The following NFX1 variants were observed in gnomAD, a reference collection of about 807,000 sequenced individuals.
The protein encoded by NFX1 is nuclear transcription factor, X-box binding 1, also known as transcriptional repressor NF-X1.
In NFX1, 69 loss-of-function variants were observed where a neutral mutation model predicts 137.2. The ratio of observed to expected loss-of-function variants is 0.50; its 90% CI spans 0.41 to 0.61. NFX1 has a LOEUF of 0.61. Among genes scored for constraint, NFX1 ranks in the 20% least tolerant of loss-of-function variants. NFX1 has a pLI of 0.00. For missense variants in NFX1, 1,167 were observed against 1,391.0 expected (o/e 0.84, Z 2.56); for synonymous variants, 495 against 474.1 (o/e 1.04, Z -0.57).
intron 9 of NFX1, among the ~76,000 whole-genome samples, chr9:33,319,960 C>CT (rs1324486880): frequency 3.3e-4 from 49 of 149,262 alleles, no homozygotes; most frequent in African/African-American, 7.4e-4. Flanking sequence ...CTTTTCTTTT[C>CT]TTTTCTTTTT....
At chr9:33,341,408 C>T (rs1823215566) in intron 12 of NFX1, among the ~76,000 whole-genome samples, 1 of 152,140 alleles carries the variant, frequency 6.6e-6, no homozygotes, top group African/African-American at 2.4e-5. Context: ...CTTCCTACAA[C>T]ATGTGGGAAT....
intron 11 of NFX1, among the ~76,000 whole-genome samples, chr9:33,333,088 C>T (rs547226152): frequency 6.6e-5 from 10 of 152,324 alleles, no homozygotes; most frequent in African/African-American, 2.4e-4. Context: ...TCAAGTGATC[C>T]ACCCGCCTCG....
Position 33,294,858 on chromosome 9 carries a change from AGAAG to A in NFX1, c.469_472del (p.Glu157LeufsTer167). ...AGAGAGCATAGTCCTTCTGAGAGTG[AGAAG>A]GAAGTTGTGGGTGCAGATCCCAGGG... On this transcript the variant is annotated frameshift_variant, in exon 2 of 24. Coordinates refer to ENST00000379540, the MANE Select transcript of NFX1 (RefSeq NM_002504.6). LOFTEE classifies it high-confidence loss of function. The A allele has an allele frequency of 6.2e-7, 1 of 1,614,188 alleles. No homozygotes were observed. The highest frequency in any genetic ancestry group is 8.5e-7 in the Non-Finnish European group (1 of 1,180,036).
At chr9:33,336,300 C>G (rs1823000204) in intron 11 of NFX1, among the ~76,000 whole-genome samples, 1 of 152,112 alleles carries the variant, frequency 6.6e-6, no homozygotes, top group Non-Finnish European at 1.5e-5. Flanking sequence ...ACTGCAAACT[C>G]CACCTCCCAG....
rs10123935 is a variant in NFX1, at chr9:33,345,425, C to T, written c.2344+1237C>T. ...CCGGGAGGCAGAGGTTGCAGTGAGC[C>T]GAGACTGTGCCATTGCACTCCAGCC... On this transcript the variant is annotated intron_variant, in intron 14 of 23. Coordinates refer to ENST00000379540, the MANE Select transcript of NFX1 (RefSeq NM_002504.6). Among the ~76,000 whole-genome samples, 1,261 of 151,770 alleles carry T rather than the reference C, an allele frequency of 8.3e-3. 17 individuals are homozygous for T. The highest frequency in any genetic ancestry group is 0.029 in the African/African-American group (1,199 of 41,374).
intron 11 of NFX1, among the ~76,000 whole-genome samples, chr9:33,336,425 A>G (rs1823006115): frequency 6.6e-6 from 1 of 152,086 alleles, no homozygotes; most frequent in Non-Finnish European, 1.5e-5. Flanking sequence ...CATGTTGGTC[A>G]GGCTGGTCTC....
At chr9:33,293,339 C>CTATAT (rs2118148262) in intron 1 of NFX1, among the ~76,000 whole-genome samples, 1 of 152,354 alleles carries the variant, frequency 6.6e-6, no homozygotes, top group Non-Finnish European at 1.5e-5. Context: ...CTGAAACCCT[C>CTATAT]AGGCTCTATA....
At chr9:33,358,647 A>AGTTTTTT (rs1823892262) in intron 19 of NFX1, among the ~76,000 whole-genome samples, 1 of 48,430 alleles carries the variant, frequency 2.1e-5, no homozygotes, top group Non-Finnish European at 3.5e-5. Flanking sequence ...GAATGGCTTG[A>AGTTTTTT]TTTTTTTTTT....
intron 19 of NFX1, among the ~76,000 whole-genome samples, chr9:33,361,796 AAT>A (rs777455055): frequency 2.0e-5 from 3 of 150,500 alleles, no homozygotes; most frequent in East Asian, 1.9e-4. Context: ...CATCTCCAAA[AAT>A]ATATATATAT....
chr9:33,339,060 CTAAT>C (rs1323962698), intron 12 of NFX1, among the ~76,000 whole-genome samples: 4 of 151,982 alleles, frequency 2.6e-5, no homozygotes, highest in African/African-American at 7.2e-5. Flanking sequence ...TTTTATGGAA[CTAAT>C]TAAATCACTA....
chr9:33,342,859 G>T lies in NFX1; in HGVS notation c.2224+5G>T. 1 of 1,592,884 alleles carries T rather than the reference G, an allele frequency of 6.3e-7. No individual in the cohort carries two copies. On this transcript the variant is annotated splice_donor_5th_base_variant and intron_variant, in intron 13 of 23. Transcript: ENST00000379540. ...GCCAGACATGCTGGCAAGCCAGTGA[G>T]TGTCTTTACTGTATAGTTTATTAGA...
At chr9:33,316,770 C>T (rs372100668) in intron 7 of NFX1, among the ~76,000 whole-genome samples, 13 of 152,284 alleles carry the variant, frequency 8.5e-5, no homozygotes, top group African/African-American at 2.2e-4. Context: ...ATTTAACCAG[C>T]TGTGACTCTA....
At chr9:33,326,036 G>T (rs566983730) in intron 9 of NFX1, among the ~76,000 whole-genome samples, 106 of 152,298 alleles carry the variant, frequency 7.0e-4, no homozygotes, top group African/African-American at 2.4e-3. Context: ...TGGGATCAAA[G>T]TTGTGTTAGA....
At chr9:33,367,451 G>C in intron 22 of NFX1, 64 bp from the exon 23 acceptor site, 1 of 1,547,568 alleles carries the variant, frequency 6.5e-7, no homozygotes, top group Admixed American at 1.7e-5. Context: ...TGAGTTTCTA[G>C]CTTTCTGTCC....
chr9:33,369,770 A>C, intron 23 of NFX1, 136 bp from the exon 24 acceptor site: 2 of 728,220 alleles, frequency 2.7e-6, no homozygotes, highest in Non-Finnish European at 4.5e-6. Flanking sequence ...GAAGGAAAAA[A>C]AGTAAGACTA....
rs1017132486 is a variant in NFX1, at chr9:33,317,956, A to G, written c.1589-775A>G. On this transcript the variant is annotated intron_variant, in intron 7 of 23. Transcript: ENST00000379540. Reference sequence around the variant, plus strand: ...ATGCCATTGCACTCCAGCCTGGGCAAGAGTGAGACTCTGTCTCAAAAAAAA... The same window carrying G: ...ATGCCATTGCACTCCAGCCTGGGCAGGAGTGAGACTCTGTCTCAAAAAAAA... Among the ~76,000 whole-genome samples the G allele has an allele frequency of 4.0e-5, 5 of 124,364 alleles. No homozygotes were observed. In the Admixed American group the frequency reaches 4.9e-4, roughly 12 times the overall value. The allele number at this position is 124,364 out of a possible 152,430, so 81.6% of individuals were successfully genotyped here. A position where few individuals can be genotyped will look rare whatever the true frequency, so the allele number is the denominator to read the frequency against.
intron 13 of NFX1, among the ~76,000 whole-genome samples, chr9:33,343,445 G>T (rs1035727410): frequency 6.6e-6 from 1 of 152,112 alleles, no homozygotes; most frequent in African/African-American, 2.4e-5. Context: ...TCTGCATCCA[G>T]TCTGTCGTGA....
intron 1 of NFX1, among the ~76,000 whole-genome samples, chr9:33,292,058 G>A (rs563952508): frequency 2.8e-4 from 43 of 152,206 alleles, no homozygotes; most frequent in African/African-American, 9.6e-4. Flanking sequence ...TCTATTGATC[G>A]TCTCATCCAC....
intron 11 of NFX1, among the ~76,000 whole-genome samples, chr9:33,337,910 G>A (rs1193193479): frequency 9.2e-5 from 14 of 151,950 alleles, no homozygotes; most frequent in Non-Finnish European, 1.6e-4. Flanking sequence ...TTAGCCGGGC[G>A]TGGTGGCGCA....
Sources: allele counts gnomAD v4.1 joint callset (sites outside exome capture counted in the v4.1 genomes callset), GRCh38; gene constraint gnomAD v4.1.1; transcripts MANE v1.5; gene names NCBI Gene and HGNC (gene_info 2026-07-23, HGNC 2026-07-21).